SEMA6D: variants seen among roughly 807,000 people sequenced by gnomAD.
The protein encoded by SEMA6D is semaphorin-6D.
In SEMA6D, 35 loss-of-function variants were observed where a neutral mutation model predicts 106.6. That is an observed-to-expected ratio of 0.33 (90% CI 0.25 to 0.44). The LOEUF (loss-of-function observed/expected upper bound fraction) is 0.44, where lower values mean the gene tolerates loss of function less well. SEMA6D is among the 20% of genes least tolerant of loss of function. The pLI is 1.00. For synonymous variants in SEMA6D, 499 were observed against 487.7 expected (o/e 1.02, Z -0.31); for missense variants, 1,185 against 1,345.9 (o/e 0.88, Z 1.87).
intron 3 of SEMA6D, among the ~76,000 whole-genome samples, chr15:47,552,869 T>TATATAA (rs2045781244): frequency 1.6e-4 from 8 of 51,064 alleles, no homozygotes; most frequent in Admixed American, 3.3e-4. Flanking sequence ...TATATATTTT[T>TATATAA]ATATATATAT....
At chr15:47,259,080 A>C (rs372501271) in intron 1 of SEMA6D, among the ~76,000 whole-genome samples, 9 of 152,280 alleles carry the variant, frequency 5.9e-5, no homozygotes, top group African/African-American at 2.2e-4. Context: ...CTTAAAGTGA[A>C]ATGTGGGAAG....
At chr15:47,665,788 C>T (rs545309775) in intron 4 of SEMA6D, among the ~76,000 whole-genome samples, 5 of 152,242 alleles carry the variant, frequency 3.3e-5, no homozygotes, top group Admixed American at 6.5e-5. Context: ...CCAGCCTGGG[C>T]GACAGAGCAA....
At chr15:47,641,354 G>A (rs922908066) in intron 4 of SEMA6D, among the ~76,000 whole-genome samples, 2 of 152,088 alleles carry the variant, frequency 1.3e-5, no homozygotes, top group Non-Finnish European at 2.9e-5. Flanking sequence ...TGTGACTCGG[G>A]GCCTGTTATT....
intron 3 of SEMA6D, among the ~76,000 whole-genome samples, chr15:47,585,329 G>T (rs1204221912): frequency 3.3e-5 from 5 of 152,188 alleles, no homozygotes; most frequent in African/African-American, 1.2e-4. Flanking sequence ...TCTGCCTGTT[G>T]GTGGTGTCTT....
At chr15:47,719,514 T>G (rs1034343861) in intron 1 of SEMA6D, among the ~76,000 whole-genome samples, 6 of 152,226 alleles carry the variant, frequency 3.9e-5, no homozygotes, top group African/African-American at 1.4e-4. Context: ...TGGGTGCTTT[T>G]TAAGGTTGCC....
intron 1 of SEMA6D, among the ~76,000 whole-genome samples, chr15:47,289,472 A>C (rs2035512114): frequency 6.6e-6 from 1 of 151,632 alleles, no homozygotes; most frequent in Non-Finnish European, 1.5e-5. Context: ...TTATAATCTT[A>C]AGGTAATCTA....
chr15:47,202,665 A>G (rs1894800361), intron 1 of SEMA6D, among the ~76,000 whole-genome samples: 1 of 152,180 alleles, frequency 6.6e-6, no homozygotes. Context: ...TCTTCCAAGT[A>G]TACTTTACTT....
chr15:47,455,784 TG>T (rs987046885), intron 2 of SEMA6D, among the ~76,000 whole-genome samples: 18 of 151,954 alleles, frequency 1.2e-4, no homozygotes, highest in Non-Finnish European at 1.8e-4. Context: ...GTGAATTTAA[TG>T]AAGATTAAGT....
intron 4 of SEMA6D, among the ~76,000 whole-genome samples, chr15:47,689,460 G>A (rs2078538316): frequency 6.6e-6 from 1 of 152,200 alleles, no homozygotes; most frequent in African/African-American, 2.4e-5. Flanking sequence ...TTAGCCAATT[G>A]GCTATATCTT....
At chr15:47,602,439 C>A (rs544717763) in intron 4 of SEMA6D, among the ~76,000 whole-genome samples, 1 of 152,000 alleles carries the variant, frequency 6.6e-6, no homozygotes, top group South Asian at 2.1e-4. Context: ...GATTAGAATT[C>A]TGAGAATTTT....
chr15:47,406,075 G>C (rs146879177), intron 1 of SEMA6D, among the ~76,000 whole-genome samples: 26 of 152,286 alleles, frequency 1.7e-4, no homozygotes, highest in African/African-American at 5.8e-4. Flanking sequence ...TCTGCACAAG[G>C]CTTCAACTTT....
Position 47,765,239 on chromosome 15 carries a change from G to T in SEMA6D, c.1427+183G>T, listed in dbSNP as rs532523425. 148 of 1,384,184 alleles carry T rather than the reference G, an allele frequency of 1.1e-4. 2 individuals are homozygous for T. The African/African-American group carries it at 1.8e-3, about 17-fold the overall frequency. 85.7% of individuals were successfully genotyped at this position (1,384,184 alleles called of 1,614,324 possible). ...TTTTCCCGAGCCTGCTAGGGCGAGG[G>T]GGGTGAATGGTTGATGAGTTTAAAA... is the stretch of plus-strand genomic sequence containing the variant. On this transcript the variant is annotated intron_variant, in intron 13 of 18. Coordinates refer to ENST00000536845, the MANE Select transcript of SEMA6D (RefSeq NM_001358351.3).
intron 1 of SEMA6D, among the ~76,000 whole-genome samples, chr15:47,735,342 A>AGAT (rs993412739): frequency 2.6e-5 from 4 of 152,284 alleles, no homozygotes; most frequent in Non-Finnish European, 4.4e-5. Context: ...AGACTCTCCA[A>AGAT]GATGCAAGAA....
intron 2 of SEMA6D, among the ~76,000 whole-genome samples, chr15:47,454,983 T>C (rs1421623195): frequency 6.6e-6 from 1 of 151,908 alleles, no homozygotes; most frequent in African/African-American, 2.4e-5. Context: ...GGGTTAATAA[T>C]ACCTACATCA....
chr15:47,752,881 C>G (rs530811579), intron 1 of SEMA6D, among the ~76,000 whole-genome samples: 1 of 151,502 alleles, frequency 6.6e-6, no homozygotes, highest in Non-Finnish European at 1.5e-5. Flanking sequence ...TGGTGGTGCA[C>G]GCCTGTAATA....
At position 47,643,689 on chromosome 15, in the gene SEMA6D, C is replaced by T. The variant is rs140242146; in HGVS notation, c.-55+42793C>T. ...AAAGTAATATTTTGATACAAGTATACAATTTGTAATGATCAAATCAGCATA... is the reference window on the plus strand; with the variant it reads ...AAAGTAATATTTTGATACAAGTATATAATTTGTAATGATCAAATCAGCATA... On this transcript the variant is annotated intron_variant, in intron 4 of 19. Transcript: ENST00000558014. Among the ~76,000 whole-genome samples, 11 of 152,276 alleles carry T rather than the reference C, an allele frequency of 7.2e-5. No homozygotes were observed. The East Asian group carries it at 1.9e-3, about 27-fold the overall frequency.
chr15:47,686,411 A>G (rs766351841), intron 4 of SEMA6D, among the ~76,000 whole-genome samples: 206 of 152,376 alleles, frequency 1.4e-3, no homozygotes, highest in South Asian at 8.3e-4. Flanking sequence ...CGAACTTCAA[A>G]AAATGTTCAA....
intron 3 of SEMA6D, among the ~76,000 whole-genome samples, chr15:47,480,697 C>T (rs984711018): frequency 1.3e-5 from 2 of 152,150 alleles, no homozygotes; most frequent in African/African-American, 2.4e-5. Flanking sequence ...TTATCTGAAC[C>T]ATTTTAGCTT....
chr15:47,459,701 G>C (rs188746818), intron 2 of SEMA6D, among the ~76,000 whole-genome samples: 1 of 151,872 alleles, frequency 6.6e-6, no homozygotes, highest in East Asian at 1.9e-4. Context: ...CAAACAATAG[G>C]TTTTCTCCCC....
Sources: gnomAD v4.1 joint callset for allele counts (sites outside exome capture counted in the v4.1 genomes callset) on GRCh38, gnomAD v4.1.1 for gene constraint, MANE v1.5 for transcripts, NCBI Gene and HGNC (gene_info 2026-07-23, HGNC 2026-07-21) for gene names.